Variants in CDH13 observed in about 807,000 individuals in gnomAD.
CDH13 encodes the protein cadherin-13.
CDH13 carries 24 observed loss-of-function variants against 63.8 expected under a neutral mutation model. The ratio of observed to expected loss-of-function variants is 0.38; its 90% CI spans 0.27 to 0.53. The LOEUF (loss-of-function observed/expected upper bound fraction) is 0.53, where lower values mean the gene tolerates loss of function less well. Ranked by LOEUF, CDH13 falls within the 20% of genes least tolerant of loss-of-function variation. The probability of loss-of-function intolerance (pLI) is 0.85; values close to 1 mark genes in which losing one functional copy is unlikely to be tolerated. For synonymous variants in CDH13, 503 were observed against 355.3 expected, an observed-to-expected ratio of 1.42 and a Z score of -4.67; for missense variants, 1,049 against 903.1, an observed-to-expected ratio of 1.16 and a Z score of -2.07.
At chr16:83,055,610 C>G (rs1344590243) in intron 3 of CDH13, among the ~76,000 whole-genome samples, 1 of 151,834 alleles carries the variant, frequency 6.6e-6, no homozygotes, top group Non-Finnish European at 1.5e-5. Flanking sequence ...TAAATGAAAA[C>G]TCTGTAGCCT....
chr16:82,796,801 C>G (rs2036601889), intron 1 of CDH13, among the ~76,000 whole-genome samples: 1 of 152,206 alleles, frequency 6.6e-6, no homozygotes, highest in Admixed American at 6.5e-5. Context: ...GGCTTTAAGA[C>G]AGGGGAATTC....
intron 2 of CDH13, among the ~76,000 whole-genome samples, chr16:82,915,917 G>T (rs1185635319): frequency 6.6e-6 from 1 of 151,226 alleles, no homozygotes; most frequent in African/African-American, 2.4e-5. Flanking sequence ...GGGAAGAGAT[G>T]TCTGAATTAT....
rs921374765 is a variant in CDH13, at chr16:82,713,289, C to G, written c.45+86152C>G. ...AGGATCTGCAACTGGAACATGCTCTCCAGGCAATTCTATACACACTGGTAT... is the reference window on the plus strand; with the variant it reads ...AGGATCTGCAACTGGAACATGCTCTGCAGGCAATTCTATACACACTGGTAT... On this transcript the variant is annotated intron_variant, in intron 1 of 13. Coordinates refer to ENST00000567109, the MANE Select transcript of CDH13 (RefSeq NM_001257.5). 2.6e-5 allele frequency among the ~76,000 whole-genome samples: 4 copies of G among 152,124 alleles called. No individual in the cohort carries two copies. In the East Asian group the frequency reaches 5.8e-4, roughly 22 times the overall value.
chr16:83,273,158 C>G (rs1042199692), intron 5 of CDH13, among the ~76,000 whole-genome samples: 2 of 151,722 alleles, frequency 1.3e-5, no homozygotes, highest in Admixed American at 1.3e-4. Flanking sequence ...CAAAATGGCT[C>G]TAAAATAATA....
chr16:83,596,323 C>T (rs1275342947), intron 7 of CDH13, among the ~76,000 whole-genome samples: 2 of 152,196 alleles, frequency 1.3e-5, no homozygotes, highest in Admixed American at 1.3e-4. Context: ...TCTATTGGTC[C>T]TAGGAGTTCG....
chr16:83,156,449 A>G (rs2151703432), intron 4 of CDH13, among the ~76,000 whole-genome samples: 1 of 152,274 alleles, frequency 6.6e-6, no homozygotes. Flanking sequence ...CCATCTACAA[A>G]GGCGACATGT....
At chr16:83,273,337 C>T (rs1235837645) in intron 5 of CDH13, among the ~76,000 whole-genome samples, 1 of 151,940 alleles carries the variant, frequency 6.6e-6, no homozygotes, top group African/African-American at 2.4e-5. Flanking sequence ...CCACCCCCAA[C>T]CCTTCACCCT....
At chr16:83,098,678 T>G (rs540526363) in intron 3 of CDH13, among the ~76,000 whole-genome samples, 82 of 152,356 alleles carry the variant, frequency 5.4e-4, no homozygotes, top group African/African-American at 1.9e-3. Flanking sequence ...AACGGTTCAC[T>G]CCATTATCTT....
chr16:83,447,589 T>C (rs1372972551), intron 6 of CDH13, among the ~76,000 whole-genome samples: 1 of 151,984 alleles, frequency 6.6e-6, no homozygotes, highest in African/African-American at 2.4e-5. Context: ...TTTAGCAAGA[T>C]GAGTTTCACA....
At chr16:83,285,524 A>T (rs2089287594) in intron 5 of CDH13, among the ~76,000 whole-genome samples, 1 of 152,148 alleles carries the variant, frequency 6.6e-6, no homozygotes, top group Non-Finnish European at 1.5e-5. Flanking sequence ...AAAAAACAGT[A>T]AAAATAACAC....
rs1904293643 is a variant in CDH13, at chr16:83,798,402, A to G, written c.*3372A>G. On this transcript the variant is annotated 3_prime_UTR_variant, in exon 14 of 14. Coordinates refer to ENST00000567109, the MANE Select transcript of CDH13 (RefSeq NM_001257.5). ...AAAAAGGTGATTAATAATTATAATA[A>G]TGGTTTATATTTATCAACTGCTTAT... 1 of 152,216 alleles carries G rather than the reference A, an allele frequency of 6.6e-6. No homozygotes were observed. Among genetic ancestry groups the G allele is most frequent in the Non-Finnish European group, 1.5e-5 (1 of 68,052 alleles). 9.4% of individuals were successfully genotyped at this position (152,216 alleles called of 1,614,324 possible). A position where few individuals can be genotyped will look rare whatever the true frequency, so the allele number is the denominator to read the frequency against.
chr16:83,676,630 C>G (rs1474986839), intron 9 of CDH13, among the ~76,000 whole-genome samples: 1 of 152,212 alleles, frequency 6.6e-6, no homozygotes, highest in African/African-American at 2.4e-5. Flanking sequence ...CACTGTGCAG[C>G]CACTCAGCAC....
chr16:82,644,040 A>G lies in CDH13; in HGVS notation c.45+16903A>G. 6.6e-6 allele frequency among the ~76,000 whole-genome samples: 1 copy of G among 152,060 alleles called. No homozygotes were observed. The highest frequency in any genetic ancestry group is 2.1e-4 in the South Asian group (1 of 4,794). On this transcript the variant is annotated intron_variant, in intron 1 of 13. Transcript: ENST00000567109. The surrounding 1 kb of genome is among the most constrained non-coding windows in gnomAD (Gnocchi z 5.7). The stretch of plus-strand genomic sequence containing the variant: ...GGCTTGGCTGACTTTTAAAAGTAGT[A>G]AGTGGTTTAGGATGGGGGGTGGTAT...
chr16:82,754,993 C>G (rs2034559943), intron 1 of CDH13, among the ~76,000 whole-genome samples: 1 of 152,126 alleles, frequency 6.6e-6, no homozygotes, highest in Admixed American at 6.5e-5. Flanking sequence ...CAAAGTTCTC[C>G]TTACTATTAC....
At chr16:83,589,286 C>CA (rs1159646396) in intron 7 of CDH13, among the ~76,000 whole-genome samples, 1 of 129,848 alleles carries the variant, frequency 7.7e-6, no homozygotes, top group African/African-American at 2.8e-5. Flanking sequence ...TTTCCCCCCC[C>CA]CGGACCCCTC....
chr16:83,108,591 G>C (rs975486568), intron 3 of CDH13, among the ~76,000 whole-genome samples: 2 of 152,132 alleles, frequency 1.3e-5, no homozygotes, highest in Admixed American at 6.6e-5. Flanking sequence ...GTGCACAGGT[G>C]GGCATTATAT....
At chr16:83,735,059 G>GA (rs1398696356) in intron 10 of CDH13, among the ~76,000 whole-genome samples, 1 of 150,596 alleles carries the variant, frequency 6.6e-6, no homozygotes, top group Non-Finnish European at 1.5e-5. Flanking sequence ...TTATTTTGGA[G>GA]AAAAAAATGA....
intron 10 of CDH13, among the ~76,000 whole-genome samples, chr16:83,732,038 A>T (rs1030493844): frequency 1.3e-5 from 2 of 152,312 alleles, no homozygotes; most frequent in South Asian, 2.1e-4. Context: ...TGGTTTATTT[A>T]TTTATTCAAA....
intron 2 of CDH13, among the ~76,000 whole-genome samples, chr16:82,927,568 T>C (rs747084388): frequency 6.6e-5 from 10 of 152,230 alleles, no homozygotes; most frequent in Non-Finnish European, 8.8e-5. Context: ...TCTTCTTCTT[T>C]CTCTGGGAAA....
Sources: gnomAD v4.1 joint callset for allele counts (sites outside exome capture counted in the v4.1 genomes callset) on GRCh38, gnomAD v4.1.1 for gene constraint, Gnocchi (gnomAD v3.1) non-coding constraint, MANE v1.5 for transcripts, NCBI Gene and HGNC (gene_info 2026-07-23, HGNC 2026-07-21) for gene names.